The following CSMD1 variants were observed in gnomAD, a reference collection of about 807,000 sequenced individuals.
CSMD1 encodes CUB and Sushi multiple domains 1, also known as CUB and sushi domain-containing protein 1.
CSMD1 carries 213 observed loss-of-function variants against 417.5 expected under a neutral mutation model. The ratio of observed to expected loss-of-function variants is 0.51; its 90% confidence interval spans 0.46 to 0.57. CSMD1 has a LOEUF of 0.57. Ranked by LOEUF, CSMD1 falls within the 20% of genes least tolerant of loss-of-function variation. The pLI is 0.00. For missense variants in CSMD1, 6,923 were observed against 4,529.7 expected (o/e 1.53, Z -15.17); for synonymous variants, 2,862 against 1,736.8 (o/e 1.65, Z -16.11).
At chr8:4,014,463 G>A (rs528337020) in intron 4 of CSMD1, among the ~76,000 whole-genome samples, 198 of 152,162 alleles carry the variant, frequency 1.3e-3, no homozygotes, top group Non-Finnish European at 2.3e-3. Context: ...CAGCCTCTAA[G>A]AAGCTTTTTA....
chr8:4,637,862 G>T (rs1802934943), intron 1 of CSMD1, among the ~76,000 whole-genome samples: 1 of 150,210 alleles, frequency 6.7e-6, no homozygotes, highest in African/African-American at 2.5e-5. Context: ...AGTAGAGACG[G>T]GGTTTCACCT....
chr8:4,180,443 G>T (rs939079265), intron 3 of CSMD1, among the ~76,000 whole-genome samples: 2 of 121,256 alleles, frequency 1.6e-5, no homozygotes, highest in Non-Finnish European at 3.3e-5. Context: ...GGGGGGAGGG[G>T]GGAGGGATAG....
intron 3 of CSMD1, among the ~76,000 whole-genome samples, chr8:4,080,307 G>C (rs1035272746): frequency 6.6e-6 from 1 of 152,130 alleles, no homozygotes; most frequent in Non-Finnish European, 1.5e-5. Context: ...GTACCTAAGA[G>C]TAAGGCACGA....
At chr8:4,256,546 A>G (rs1803466461) in intron 3 of CSMD1, among the ~76,000 whole-genome samples, 1 of 152,190 alleles carries the variant, frequency 6.6e-6, no homozygotes, top group African/African-American at 2.4e-5. Context: ...AAATGACATC[A>G]CCATTTACTT....
chr8:4,824,210 A>T (rs1799683617), intron 1 of CSMD1, among the ~76,000 whole-genome samples: 1 of 152,070 alleles, frequency 6.6e-6, no homozygotes, highest in East Asian at 1.9e-4. Flanking sequence ...TACCTATAAC[A>T]TGTAATGTTA....
chr8:3,502,669 G>C (rs990170269), intron 10 of CSMD1, among the ~76,000 whole-genome samples: 1 of 152,170 alleles, frequency 6.6e-6, no homozygotes, highest in African/African-American at 2.4e-5. Flanking sequence ...GCAGAACTAT[G>C]GAGACAGTAA....
intron 1 of CSMD1, among the ~76,000 whole-genome samples, chr8:4,873,629 G>A (rs375177412): frequency 1.3e-5 from 2 of 152,172 alleles, no homozygotes; most frequent in East Asian, 3.9e-4. Context: ...ATCGATCAAT[G>A]TTCATTCCTC....
chr8:4,254,917 T>C (rs1166372507), intron 3 of CSMD1, among the ~76,000 whole-genome samples: 1 of 152,148 alleles, frequency 6.6e-6, no homozygotes, highest in African/African-American at 2.4e-5. Flanking sequence ...TTTCTCAGAA[T>C]ACATTCCCAT....
chr8:4,894,947 A>G (rs1270159626), intron 1 of CSMD1, among the ~76,000 whole-genome samples: 1 of 152,172 alleles, frequency 6.6e-6, no homozygotes, highest in East Asian at 1.9e-4. Context: ...CCAGGAATCA[A>G]ATGGCTGAGG....
intron 1 of CSMD1, among the ~76,000 whole-genome samples, chr8:4,742,000 C>T (rs1278577047): frequency 2.7e-5 from 2 of 73,726 alleles, no homozygotes; most frequent in African/African-American, 5.4e-5. Context: ...ACCACACCCA[C>T]TTTTTTTTTT....
At chr8:4,488,427 C>T (rs1300650611) in intron 2 of CSMD1, among the ~76,000 whole-genome samples, 1 of 152,046 alleles carries the variant, frequency 6.6e-6, no homozygotes, top group Non-Finnish European at 1.5e-5. Context: ...CTCTGTTTTA[C>T]AGAGGGCAGA....
intron 7 of CSMD1, among the ~76,000 whole-genome samples, chr8:3,652,109 A>G (rs1345791954): frequency 9.3e-6 from 1 of 107,792 alleles, no homozygotes; most frequent in Admixed American, 8.5e-5. Flanking sequence ...TACCACCATC[A>G]GCACGCTTAC....
chr8:3,597,050 G>A (rs1055521819), intron 8 of CSMD1, among the ~76,000 whole-genome samples: 1 of 152,150 alleles, frequency 6.6e-6, no homozygotes, highest in African/African-American at 2.4e-5. Context: ...AGCCCTGCAA[G>A]ATATTGGCCG....
At chr8:3,144,964 T>G (rs2129032856) in intron 40 of CSMD1, among the ~76,000 whole-genome samples, 1 of 152,154 alleles carries the variant, frequency 6.6e-6, no homozygotes, top group South Asian at 2.1e-4. Context: ...ACTACTGAGC[T>G]AAAAACACAG....
intron 18 of CSMD1, 25 bp downstream of exon 18, chr8:3,387,469 C>G (rs759087445): frequency 6.4e-7 from 1 of 1,568,436 alleles, no homozygotes; most frequent in Non-Finnish European, 8.7e-7. Context: ...CCTGCTGGTG[C>G]ATTGCCTCAC....
intron 26 of CSMD1, among the ~76,000 whole-genome samples, chr8:3,265,075 A>ATC (rs1186156198): frequency 1.3e-5 from 2 of 152,312 alleles, no homozygotes; most frequent in East Asian, 3.9e-4. Context: ...TTCAACACAA[A>ATC]TCTGTTGAAT....
intron 18 of CSMD1, among the ~76,000 whole-genome samples, chr8:3,381,025 A>C (rs188300525): frequency 1.3e-5 from 2 of 152,320 alleles, no homozygotes; most frequent in Admixed American, 1.3e-4. Context: ...CCTCACTTAC[A>C]ATCAAAATTA....
At chr8:4,272,112 G>GGT (rs377455797) in intron 3 of CSMD1, among the ~76,000 whole-genome samples, 13 of 151,638 alleles carry the variant, frequency 8.6e-5, no homozygotes, top group South Asian at 2.1e-4. Flanking sequence ...ACCTGTCAGG[G>GGT]GTGTGTGTGT....
rs183918608 is a variant in CSMD1, at chr8:4,350,978, T to A, written c.415+68975A>T. 1.4e-3 allele frequency among the ~76,000 whole-genome samples: 220 copies of A among 152,320 alleles called. 1 individual carries two copies. Among genetic ancestry groups the A allele is most frequent in the Middle Eastern group, 6.8e-3 (2 of 294 alleles). ...AGTCATCGTTTAAAGCTTCTTTTAATAATTTTGCCTCTCTGCTTAATCGAA... is the reference window on the plus strand; with the variant it reads ...AGTCATCGTTTAAAGCTTCTTTTAAAAATTTTGCCTCTCTGCTTAATCGAA... On this transcript the variant is annotated intron_variant, in intron 3 of 69. Coordinates refer to ENST00000635120, the MANE Select transcript of CSMD1 (RefSeq NM_033225.6).
Sources: gnomAD v4.1 joint callset for allele counts (sites outside exome capture counted in the v4.1 genomes callset) on GRCh38, gnomAD v4.1.1 for gene constraint, MANE v1.5 for transcripts, NCBI Gene and HGNC (gene_info 2026-07-23, HGNC 2026-07-21) for gene names.